Variants in TRDN observed in about 807,000 individuals in gnomAD.
The protein encoded by TRDN is triadin in skeletal muscle.
In TRDN, 161 loss-of-function variants were observed where a neutral mutation model predicts 149.7. That is an observed-to-expected ratio of 1.08 (90% confidence interval 0.95 to 1.23). The LOEUF is 1.23. Among genes scored for constraint, TRDN ranks in the 50% most tolerant of loss-of-function variants. TRDN has a pLI of 0.00. For synonymous variants in TRDN, 294 were observed against 250.5 expected (o/e 1.17, Z -1.64); for missense variants, 896 against 823.5 (o/e 1.09, Z -1.08).
intron 2 of TRDN, among the ~76,000 whole-genome samples, chr6:123,552,455 A>C (rs1469982337): frequency 2.0e-5 from 3 of 152,044 alleles, no homozygotes; most frequent in African/African-American, 7.2e-5. Context: ...GTGTGTAGGT[A>C]ATATTTGACC....
intron 1 of TRDN, among the ~76,000 whole-genome samples, chr6:123,593,371 A>T (rs1783883562): frequency 1.3e-5 from 2 of 152,232 alleles, no homozygotes; most frequent in Non-Finnish European, 2.9e-5. Context: ...AACAAAACTT[A>T]ACCATGGGTG....
chr6:123,333,173 A>G (rs74815802), intron 22 of TRDN, among the ~76,000 whole-genome samples: 12,099 of 152,120 alleles, frequency 0.08, 748 homozygotes, highest in Non-Finnish European at 0.12. Flanking sequence ...GGCTAAGCCA[A>G]AAGGATTAAT....
At chr6:123,378,761 A>C (rs1781606517) in intron 16 of TRDN, among the ~76,000 whole-genome samples, 1 of 152,224 alleles carries the variant, frequency 6.6e-6, no homozygotes, top group Non-Finnish European at 1.5e-5. Context: ...TAAGACACTA[A>C]AATAGAAAAA....
intron 38 of TRDN, among the ~76,000 whole-genome samples, chr6:123,246,125 T>G (rs1480899420): frequency 6.6e-6 from 1 of 151,684 alleles, no homozygotes. Context: ...AATGCCCACA[T>G]GAGAAAGCGG....
In TRDN at chr6:123,465,171, A is replaced by G. The variant is rs118071386; in HGVS notation, c.854-188T>C. 4.4e-3 allele frequency among the ~76,000 whole-genome samples: 670 copies of G among 152,330 alleles called. 4 individuals carry two copies. The highest frequency in any genetic ancestry group is 7.7e-3 in the Admixed American group (118 of 15,304). On this transcript the variant is annotated intron_variant, in intron 9 of 40. Coordinates refer to ENST00000334268, the MANE Select transcript of TRDN (RefSeq NM_006073.4). ...TTTAAGAAGACACCTTCGCGGATTC[A>G]GTTATCTTCAGAGCCATTTCTGAAT...
At chr6:123,286,007 CA>C (rs1202179598) in intron 24 of TRDN, among the ~76,000 whole-genome samples, 1 of 151,768 alleles carries the variant, frequency 6.6e-6, no homozygotes, top group Non-Finnish European at 1.5e-5. Context: ...TGGCCATAAT[CA>C]AAAAATTAAA....
intron 38 of TRDN, among the ~76,000 whole-genome samples, chr6:123,224,348 T>C (rs1775275399): frequency 6.6e-6 from 1 of 151,664 alleles, no homozygotes; most frequent in Admixed American, 6.6e-5. Flanking sequence ...ACTATGGTAA[T>C]CAGGCTGGTA....
At chr6:123,403,302 G>C (rs548185694) in intron 12 of TRDN, among the ~76,000 whole-genome samples, 5 of 152,094 alleles carry the variant, frequency 3.3e-5, no homozygotes, top group Non-Finnish European at 7.4e-5. Flanking sequence ...TTTTGGAATG[G>C]AAAAGAGCAT....
intron 29 of TRDN, among the ~76,000 whole-genome samples, chr6:123,271,593 A>G (rs1777208316): frequency 6.6e-6 from 1 of 152,056 alleles, no homozygotes; most frequent in Admixed American, 6.6e-5. Context: ...GAACCCAGGA[A>G]TAGGTGGAGA....
rs145614373 is a variant in TRDN, at chr6:123,455,180, C to T, written c.931+9726G>A. 1.4e-3 allele frequency among the ~76,000 whole-genome samples: 209 copies of T among 151,970 alleles called. 1 individual carries two copies. Among genetic ancestry groups the T allele is most frequent in the Non-Finnish European group, 2.6e-3 (175 of 67,976 alleles). Reference sequence around the variant, plus strand: ...ATTTAGTATGCAAAAGGAAAGGTAACGAGAAAGATTATTCAATACATTTCA... The same window carrying T: ...ATTTAGTATGCAAAAGGAAAGGTAATGAGAAAGATTATTCAATACATTTCA... On this transcript the variant is annotated intron_variant, in intron 10 of 40. Transcript: ENST00000334268.
Position 123,592,967 on chromosome 6 carries a change from A to G in TRDN, c.23-21835T>C, listed in dbSNP as rs1783858409. ...TGATAACAACAGGGATACACATTATATATTCAAATTTGGATATTAAACTCA... is the reference window on the plus strand; with the variant it reads ...TGATAACAACAGGGATACACATTATGTATTCAAATTTGGATATTAAACTCA... On this transcript the variant is annotated intron_variant, in intron 1 of 40. Transcript: ENST00000334268. 2.0e-5 allele frequency among the ~76,000 whole-genome samples: 3 copies of G among 152,202 alleles called. No individual in the cohort carries two copies. In the South Asian group the frequency reaches 6.2e-4, roughly 31 times the overall value.
chr6:123,223,675 TCCTTC>T (rs1562217474), intron 39 of TRDN, among the ~76,000 whole-genome samples: 5 of 103,346 alleles, frequency 4.8e-5, no homozygotes, highest in African/African-American at 2.8e-4. Context: ...TTCCATTTCT[TCCTTC>T]CTTCCTTCCT....
At chr6:123,616,537 A>G (rs1785092385) in intron 1 of TRDN, among the ~76,000 whole-genome samples, 1 of 152,158 alleles carries the variant, frequency 6.6e-6, no homozygotes, top group Non-Finnish European at 1.5e-5. Context: ...ATATTTATTC[A>G]TATGCATTTA....
At chr6:123,544,242 TACATAC>T (rs1191532886) in intron 4 of TRDN, among the ~76,000 whole-genome samples, 5 of 123,974 alleles carry the variant, frequency 4.0e-5, no homozygotes, top group African/African-American at 1.6e-4. Flanking sequence ...TGCACATCTG[TACATAC>T]ACACACACAC....
chr6:123,489,718 T>C (rs1222527883), intron 9 of TRDN: 2 of 151,684 alleles, frequency 1.3e-5, no homozygotes, highest in African/African-American at 4.9e-5. Context: ...CTAACAATGC[T>C]TAAAACTAAA....
Position 123,278,329 on chromosome 6 carries a change from T to A in TRDN, c.1556A>T (p.Glu519Val). Residue 519 changes from glutamate to valine, a missense_variant, in exon 26 of 41, where the codon GAA (glutamate) becomes GTA (valine). Transcript: ENST00000334268. Reference sequence around the variant, plus strand: ...TAAAATATACATACCTGGCTTCTCTTCCTTTTTTCCTTGTAGTTCTAAAAA... The same window carrying A: ...TAAAATATACATACCTGGCTTCTCTACCTTTTTTCCTTGTAGTTCTAAAAA... The part of the protein sequence containing the change: ...PKPPQLQGKK[E>V]EKPEPQIKKE... 7.7e-7 allele frequency: 1 copy of A among 1,296,610 alleles called. No homozygotes were observed. The highest frequency in any genetic ancestry group is 1.0e-6 in the Non-Finnish European group (1 of 961,312). 80.3% of individuals were successfully genotyped at this position (1,296,610 alleles called of 1,614,324 possible). A position where few individuals can be genotyped will look rare whatever the true frequency, so the allele number is the denominator to read the frequency against.
chr6:123,399,570 T>C (rs1265904023), intron 12 of TRDN, among the ~76,000 whole-genome samples: 1 of 152,208 alleles, frequency 6.6e-6, no homozygotes, highest in Non-Finnish European at 1.5e-5. Flanking sequence ...CCATGGAAGA[T>C]ATGAAGTCCC....
chr6:123,344,897 G>A (rs141157786), intron 21 of TRDN, among the ~76,000 whole-genome samples: 2 of 152,044 alleles, frequency 1.3e-5, no homozygotes, highest in Non-Finnish European at 1.5e-5. Flanking sequence ...GAGAGTTTCT[G>A]TTGCTCTACA....
At chr6:123,398,476 G>A (rs191861091) in intron 12 of TRDN, among the ~76,000 whole-genome samples, 212 of 152,248 alleles carry the variant, frequency 1.4e-3, no homozygotes, top group African/African-American at 4.8e-3. Context: ...GCATAAGATA[G>A]TGGAAACTAA....
Sources: allele counts gnomAD v4.1 joint callset (sites outside exome capture counted in the v4.1 genomes callset), GRCh38; gene constraint gnomAD v4.1.1; transcripts MANE v1.5; gene names NCBI Gene and HGNC (gene_info 2026-07-23, HGNC 2026-07-21).